The following ZNF462 variants were observed in gnomAD, a reference collection of about 807,000 sequenced individuals.
ZNF462 encodes the protein zinc finger protein 462, also known as zinc finger PBX1-interacting protein.
In ZNF462, 10 loss-of-function variants were observed where a neutral mutation model predicts 201.9. The ratio of observed to expected loss-of-function variants is 0.05; its 90% CI spans 0.03 to 0.08. The LOEUF is 0.08. Among genes scored for constraint, ZNF462 ranks in the 10% least tolerant of loss-of-function variants. The pLI is 1.00. For missense variants in ZNF462, 2,523 were observed against 3,168.3 expected (o/e 0.80, Z 4.89); for synonymous variants, 1,227 against 1,193.3 (o/e 1.03, Z -0.58).
intron 1 of ZNF462, among the ~76,000 whole-genome samples, chr9:106,864,050 CT>C (rs1366115665): frequency 3.3e-4 from 16 of 48,538 alleles, no homozygotes; most frequent in African/African-American, 1.6e-3. Flanking sequence ...CTCTCTCTCT[CT>C]CTCTCTCTCT....
At chr9:106,888,423 G>A (rs1199515973) in intron 1 of ZNF462, among the ~76,000 whole-genome samples, 1 of 152,182 alleles carries the variant, frequency 6.6e-6, no homozygotes, top group African/African-American at 2.4e-5. Flanking sequence ...CCCTGAATAG[G>A]GTTAGTGTTT....
At chr9:106,894,663 C>T (rs1005957816) in intron 1 of ZNF462, among the ~76,000 whole-genome samples, 2 of 152,182 alleles carry the variant, frequency 1.3e-5, no homozygotes, top group South Asian at 2.1e-4. Flanking sequence ...CTGTGCTGTC[C>T]AGTGTGGTAG....
chr9:106,938,845 G>C lies in ZNF462; in HGVS notation c.6236-71G>C. 1 of 1,460,314 alleles carries C rather than the reference G, an allele frequency of 6.8e-7. No individual in the cohort carries two copies. The highest frequency in any genetic ancestry group is 1.4e-5 in the South Asian group (1 of 71,416). 90.5% of individuals were successfully genotyped at this position (1,460,314 alleles called of 1,614,324 possible). The stretch of plus-strand genomic sequence containing the variant: ...TAGCATGAGTTAACTGAGTTATCTT[G>C]TTTCCACCCTGGCCTTATACCCTTC... On this transcript the variant is annotated intron_variant, in intron 6 of 12. Transcript: ENST00000277225. The surrounding 1 kb of genome is among the most constrained non-coding windows in gnomAD (Gnocchi z 4.4).
rs1829889383 is a variant in ZNF462, at chr9:106,919,097, G to T, written c.-30-4257G>T. Among the ~76,000 whole-genome samples the T allele has an allele frequency of 1.3e-5, 2 of 152,246 alleles. No homozygotes were observed. Reference sequence around the variant, plus strand: ...TTTATTTCTGGGCTGCAGTCCTTCAGTCAGAGAACAGGTTAGATCCAGGCA... The same window carrying T: ...TTTATTTCTGGGCTGCAGTCCTTCATTCAGAGAACAGGTTAGATCCAGGCA... On this transcript the variant is annotated intron_variant, in intron 1 of 12. Transcript: ENST00000277225. The surrounding 1 kb of genome is among the most constrained non-coding windows in gnomAD (Gnocchi z 4.5).
rs1829980755 is a variant in ZNF462, at chr9:107,012,568, A to G, written c.*1538A>G. 1.3e-5 allele frequency: 2 copies of G among 151,176 alleles called. No individual in the cohort carries two copies. The highest frequency in any genetic ancestry group is 2.9e-5 in the Non-Finnish European group (2 of 67,890). 9.4% of individuals were successfully genotyped at this position (151,176 alleles called of 1,614,324 possible). ...TTTATAATATGTTCTGATTGTGAACAAAGGGTTTCGTTCCAAAAAATAGAA... is the reference window on the plus strand; with the variant it reads ...TTTATAATATGTTCTGATTGTGAACGAAGGGTTTCGTTCCAAAAAATAGAA... On this transcript the variant is annotated 3_prime_UTR_variant, in exon 13 of 13. Coordinates refer to ENST00000277225, the MANE Select transcript of ZNF462 (RefSeq NM_021224.6).
intron 10 of ZNF462, among the ~76,000 whole-genome samples, chr9:106,998,233 C>G (rs920465937): frequency 6.6e-6 from 1 of 152,128 alleles, no homozygotes; most frequent in African/African-American, 2.4e-5. Context: ...GTTAAAAATT[C>G]TGGAAACATT....
chr9:106,927,355 G>A lies in ZNF462; in HGVS notation c.3443G>A (p.Arg1148Lys). ...ATAAAGGTTACTGCCAAATATATCA[G>A]ACAGGCTCCTCCCACAGCTGCAATG... Reference protein sequence around the residue: ...PEIKVTAKYIRQAPPTAAMMR... With the variant: ...PEIKVTAKYIKQAPPTAAMMR... The change falls in exon 3 of 13, where the codon AGA (arginine) becomes AAA (lysine). Residue 1148 changes from arginine (R) to lysine (K), a missense_variant. Physicochemically the swap from Arg to Lys is conservative, Grantham distance 26. This residue lies in a region of ZNF462 where 222 missense variants were observed against 271.6 expected (regional missense o/e 0.82). Coordinates refer to ENST00000277225, the MANE Select transcript of ZNF462 (RefSeq NM_021224.6). The A allele has an allele frequency of 6.2e-7, 1 of 1,614,094 alleles. No homozygotes were observed.
chr9:106,960,550 A>G (rs1831786717), intron 7 of ZNF462, among the ~76,000 whole-genome samples: 1 of 152,122 alleles, frequency 6.6e-6, no homozygotes, highest in South Asian at 2.1e-4. Flanking sequence ...AGGAAACCTT[A>G]CTTCCTCATC....
rs924153028 is a variant in ZNF462 at position 106,913,426 on chromosome 9, T to C, written c.-30-9928T>C. Among the ~76,000 whole-genome samples the C allele has an allele frequency of 1.3e-5, 2 of 152,176 alleles. No homozygotes were observed. The highest frequency in any genetic ancestry group is 4.8e-5 in the African/African-American group (2 of 41,448). ...ACAAATCTCATCAGAGCCAGACTTA[T>C]GCCGGGCCCTGGGGATATAAGAATA... On this transcript the variant is annotated intron_variant, in intron 1 of 12. Transcript: ENST00000277225. The surrounding 1 kb of genome is among the most constrained non-coding windows in gnomAD (Gnocchi z 4.1).
Position 107,013,424 on chromosome 9 carries a change from G to T in ZNF462, c.*2394G>T, listed in dbSNP as rs544442050. ...ACATTTTTTTCAGAGCTTGAGAGAA[G>T]AAAATAAATAGCAAAATGATAACCT... is the stretch of plus-strand genomic sequence containing the variant. On this transcript the variant is annotated 3_prime_UTR_variant, in exon 13 of 13. Transcript: ENST00000277225. 1.8e-4 allele frequency: 28 copies of T among 152,084 alleles called. No homozygotes were observed. The highest frequency in any genetic ancestry group is 1.2e-3 in the Admixed American group (18 of 15,256). 9.4% of individuals were successfully genotyped at this position (152,084 alleles called of 1,614,324 possible).
At chr9:106,958,908 A>G (rs1420755031) in intron 7 of ZNF462, among the ~76,000 whole-genome samples, 3 of 152,102 alleles carry the variant, frequency 2.0e-5, no homozygotes, top group Non-Finnish European at 4.4e-5. Flanking sequence ...AAGCCTATCA[A>G]TTGGATGCCA....
intron 8 of ZNF462, among the ~76,000 whole-genome samples, chr9:106,973,466 AG>A (rs1826745917): frequency 6.6e-6 from 1 of 152,222 alleles, no homozygotes; most frequent in African/African-American, 2.4e-5. Flanking sequence ...AGGACCCCAG[AG>A]GGCAAGGGCC....
At chr9:106,964,474 C>A (rs1287660636) in intron 7 of ZNF462, among the ~76,000 whole-genome samples, 1 of 151,970 alleles carries the variant, frequency 6.6e-6, no homozygotes, top group Non-Finnish European at 1.5e-5. Context: ...AATCTCGTTC[C>A]TTTGATTGAA....
chr9:106,941,540 C>T (rs1033399064), intron 7 of ZNF462, among the ~76,000 whole-genome samples: 3 of 152,172 alleles, frequency 2.0e-5, no homozygotes, highest in Admixed American at 6.5e-5. Flanking sequence ...TATGAAAGAA[C>T]ACAGTAACTG....
chr9:106,990,256 C>T (rs548152501), intron 10 of ZNF462, among the ~76,000 whole-genome samples: 6 of 151,888 alleles, frequency 4.0e-5, no homozygotes, highest in South Asian at 2.1e-4. Flanking sequence ...AGTTGATTTC[C>T]GGTTTTATTC....
chr9:106,894,166 G>A (rs1192917658), intron 1 of ZNF462, among the ~76,000 whole-genome samples: 1 of 152,228 alleles, frequency 6.6e-6, no homozygotes, highest in Non-Finnish European at 1.5e-5. Flanking sequence ...ATAAAGACTG[G>A]ATTTAAACCG....
At position 106,871,824 on chromosome 9, in the gene ZNF462, G is replaced by C. The variant is rs536341707; in HGVS notation, c.-31+8469G>C. 5.0e-4 allele frequency among the ~76,000 whole-genome samples: 76 copies of C among 152,260 alleles called. 1 individual carries two copies. Among genetic ancestry groups the C allele is most frequent in the Admixed American group, 1.2e-3 (19 of 15,294 alleles). ...AGCAGAAAACAGCTGCATTATTAAT[G>C]GACAGAAAATGTGATAGTCCTCTCT... On this transcript the variant is annotated intron_variant, in intron 1 of 12. Coordinates refer to ENST00000277225, the MANE Select transcript of ZNF462 (RefSeq NM_021224.6).
chr9:106,923,297 C>A lies in ZNF462; in HGVS notation c.-30-57C>A. On this transcript the variant is annotated intron_variant, in intron 1 of 12. Coordinates refer to ENST00000277225, the MANE Select transcript of ZNF462 (RefSeq NM_021224.6). The surrounding 1 kb of genome is among the most constrained non-coding windows in gnomAD (Gnocchi z 5.6). ...ATTAATGGATATATAGCCCCATCAG[C>A]TCGAGGTATGTGATTAGTGCATTCC... 1 of 1,319,560 alleles carries A rather than the reference C, an allele frequency of 7.6e-7. No homozygotes were observed. Among genetic ancestry groups the A allele is most frequent in the Non-Finnish European group, 1.1e-6 (1 of 918,654 alleles). The allele number at this position is 1,319,560 out of a possible 1,614,324, so 81.7% of individuals were successfully genotyped here.
chr9:106,946,246 G>A (rs1831100548), intron 7 of ZNF462, among the ~76,000 whole-genome samples: 1 of 152,126 alleles, frequency 6.6e-6, no homozygotes, highest in Non-Finnish European at 1.5e-5. Flanking sequence ...AAGTCTTCCA[G>A]ACCTCATTTG....
Sources: gnomAD v4.1 joint callset for allele counts (sites outside exome capture counted in the v4.1 genomes callset) on GRCh38, gnomAD v4.1.1 for gene constraint, gnomAD v4.1.1 regional missense constraint, Gnocchi (gnomAD v3.1) non-coding constraint, MANE v1.5 for transcripts, NCBI Gene and HGNC (gene_info 2026-07-23, HGNC 2026-07-21) for gene names.